Variants in FAM167A observed in about 807,000 individuals in gnomAD.
FAM167A encodes protein FAM167A.
In FAM167A, 23 loss-of-function variants were observed where a neutral mutation model predicts 14.9. The observed-to-expected ratio is 1.55, with a 90% confidence interval of 1.11 to 2.19. The LOEUF is 2.19. Among genes scored for constraint, FAM167A ranks in the 30% most tolerant of loss-of-function variants. The probability of loss-of-function intolerance (pLI) is 0.00; values close to 1 mark genes in which losing one functional copy is unlikely to be tolerated. For synonymous variants in FAM167A, 174 were observed against 117.7 expected (o/e 1.48, Z -3.10); for missense variants, 401 against 281.5 (o/e 1.42, Z -3.04).
chr8:11,473,457 C>A (rs939480328), intron 1 of FAM167A, among the ~76,000 whole-genome samples: 1 of 152,144 alleles, frequency 6.6e-6, no homozygotes, highest in African/African-American at 2.4e-5. Context: ...TCTTAATATT[C>A]AACCTCTTTT....
At chr8:11,467,881 T>C (rs973688195), upstream of FAM167A, among the ~76,000 whole-genome samples, 2 of 152,258 alleles carry the variant, frequency 1.3e-5, no homozygotes, top group African/African-American at 2.4e-5. Context: ...AGTACAGACC[T>C]AGTCATGCTA....
At chr8:11,429,283 T>C (rs1316516932) in intron 2 of FAM167A, among the ~76,000 whole-genome samples, 2 of 152,234 alleles carry the variant, frequency 1.3e-5, no homozygotes, top group South Asian at 4.1e-4. Flanking sequence ...AGAAGCTTTT[T>C]ATAAATTAAT....
At chr8:11,456,345 G>C (rs535296411) in intron 1 of FAM167A, among the ~76,000 whole-genome samples, 1,059 of 21,082 alleles carry the variant, frequency 0.05, 5 homozygotes, top group African/African-American at 0.13. Context: ...GTGTGGGGTG[G>C]TTGCCCTGCT....
At chr8:11,425,965 C>G (rs1024174173) in intron 2 of FAM167A, among the ~76,000 whole-genome samples, 1 of 152,064 alleles carries the variant, frequency 6.6e-6, no homozygotes, top group African/African-American at 2.4e-5. Flanking sequence ...TTTCCAAGAT[C>G]TAGGAGAGAT....
intron 1 of FAM167A, chr8:11,445,422 C>T (rs985318381): frequency 1.0e-6 from 1 of 985,786 alleles, no homozygotes; most frequent in Non-Finnish European, 1.2e-6. Flanking sequence ...CACCTTACCT[C>T]ACCTCTTCAG....
chr8:11,435,337 G>A (rs73663139), intron 2 of FAM167A, among the ~76,000 whole-genome samples: 2,605 of 152,290 alleles, frequency 0.017, 64 homozygotes, highest in African/African-American at 0.059. Context: ...TGGCACCCAC[G>A]TGTTGGGCAT....
intron 2 of FAM167A, 116 bp downstream of exon 2, chr8:11,443,915 G>C: frequency 7.7e-7 from 1 of 1,291,168 alleles, no homozygotes; most frequent in African/African-American, 1.5e-5. Flanking sequence ...GGGGGTTAGA[G>C]AGAGGGGAAG....
rs935857935 is a variant in FAM167A, at chr8:11,422,942, G to A, written c.*1431C>T. On this transcript the variant is annotated 3_prime_UTR_variant, in exon 3 of 3. Coordinates refer to ENST00000284486, the MANE Select transcript of FAM167A (RefSeq NM_053279.3). Reference sequence around the variant, plus strand: ...GGTGGGGGCTGAGGTGGAGAGTAGAGGGGTTGGCAGTGTGCGGGTTTGGCA... The same window carrying A: ...GGTGGGGGCTGAGGTGGAGAGTAGAAGGGTTGGCAGTGTGCGGGTTTGGCA... 6.5e-6 allele frequency: 1 copy of A among 152,674 alleles called. No homozygotes were observed. The highest frequency in any genetic ancestry group is 2.4e-5 in the African/African-American group (1 of 41,458). 9.5% of individuals were successfully genotyped at this position (152,674 alleles called of 1,614,324 possible).
At chr8:11,467,765 C>T (rs557307595), upstream of FAM167A, among the ~76,000 whole-genome samples, 1 of 152,366 alleles carries the variant, frequency 6.6e-6, no homozygotes, top group Admixed American at 6.5e-5. Flanking sequence ...CCTCTGGTGC[C>T]CGCGTCCTTC....
At chr8:11,441,635 C>T (rs968216322) in intron 2 of FAM167A, among the ~76,000 whole-genome samples, 2 of 152,206 alleles carry the variant, frequency 1.3e-5, no homozygotes, top group Non-Finnish European at 2.9e-5. Context: ...GCTCTCTACC[C>T]TGTATGAGTT....
intron 2 of FAM167A, among the ~76,000 whole-genome samples, chr8:11,439,528 C>T (rs993576706): frequency 1.3e-5 from 2 of 151,876 alleles, no homozygotes; most frequent in Admixed American, 6.6e-5. Context: ...GGCCTCCTGC[C>T]ATGACAGGCC....
chr8:11,424,790 C>A (rs1563354687), intron 2 of FAM167A, among the ~76,000 whole-genome samples, 154 bp from the exon 3 acceptor site: 2 of 152,188 alleles, frequency 1.3e-5, no homozygotes, highest in African/African-American at 4.8e-5. Context: ...GGTGAAAAGA[C>A]ACAGAAAGCA....
chr8:11,469,742 G>A (rs753870198), upstream of FAM167A, among the ~76,000 whole-genome samples: 2 of 151,994 alleles, frequency 1.3e-5, no homozygotes, highest in Non-Finnish European at 2.9e-5. Flanking sequence ...ACTCAGCTGG[G>A]CATGGTGGTA....
intron 2 of FAM167A, among the ~76,000 whole-genome samples, chr8:11,429,196 A>T (rs1313925680): frequency 6.6e-6 from 1 of 152,222 alleles, no homozygotes; most frequent in Non-Finnish European, 1.5e-5. Flanking sequence ...ACCTCACAGA[A>T]GTAGAATCAC....
chr8:11,468,528 C>G (rs903095498), upstream of FAM167A, among the ~76,000 whole-genome samples: 1 of 152,196 alleles, frequency 6.6e-6, no homozygotes, highest in Admixed American at 6.5e-5. Flanking sequence ...AGGGCATGAA[C>G]CATGTTTGCA....
chr8:11,454,539 T>A (rs980899404), intron 1 of FAM167A, among the ~76,000 whole-genome samples: 1 of 152,180 alleles, frequency 6.6e-6, no homozygotes, highest in African/African-American at 2.4e-5. Context: ...CAGAGAACAG[T>A]GAGGCCAGCC....
chr8:11,439,767 G>GCGGAAGACTTTATTGCCCCTTTTC (rs1806316403), intron 2 of FAM167A, among the ~76,000 whole-genome samples: 1 of 152,158 alleles, frequency 6.6e-6, no homozygotes, highest in African/African-American at 2.4e-5. Context: ...CATAAACCAC[G>GCGGAAGACTTTATTGCCCCTTTTC]TGGAAGACTT....
At chr8:11,442,818 G>T (rs796438296) in intron 2 of FAM167A, among the ~76,000 whole-genome samples, 11 of 152,224 alleles carry the variant, frequency 7.2e-5, no homozygotes, top group African/African-American at 2.6e-4. Flanking sequence ...GGATATAATA[G>T]AATGGTGTGT....
rs145444863 is a variant in FAM167A at position 11,422,960 on chromosome 8, G to C, written c.*1413C>G. Reference sequence around the variant, plus strand: ...GAGTAGAGGGGTTGGCAGTGTGCGGGTTTGGCAAAGCATCACGACCATCTT... The same window carrying C: ...GAGTAGAGGGGTTGGCAGTGTGCGGCTTTGGCAAAGCATCACGACCATCTT... On this transcript the variant is annotated 3_prime_UTR_variant, in exon 3 of 3. Transcript: ENST00000284486. 9.4e-4 allele frequency: 144 copies of C among 152,762 alleles called. 1 individual carries two copies. The highest frequency in any genetic ancestry group is 3.3e-3 in the African/African-American group (136 of 41,558). The allele number at this position is 152,762 out of a possible 1,614,324, so 9.5% of individuals were successfully genotyped here. A position where few individuals can be genotyped will look rare whatever the true frequency, so the allele number is the denominator to read the frequency against.
Sources: allele counts gnomAD v4.1 joint callset (sites outside exome capture counted in the v4.1 genomes callset), GRCh38; gene constraint gnomAD v4.1.1; transcripts MANE v1.5; gene names NCBI Gene and HGNC (gene_info 2026-07-23, HGNC 2026-07-21).